The following ASH1L variants were observed in gnomAD, a reference collection of about 807,000 sequenced individuals.
The protein encoded by ASH1L is ASH1 like histone lysine methyltransferase.
ASH1L carries 23 observed loss-of-function variants against 269.0 expected under a neutral mutation model. The observed-to-expected ratio is 0.09, with a 90% CI of 0.06 to 0.12. The LOEUF is 0.12. Among genes scored for constraint, ASH1L ranks in the 10% least tolerant of loss-of-function variants. The probability of loss-of-function intolerance (pLI) is 1.00; values close to 1 mark genes in which losing one functional copy is unlikely to be tolerated. For synonymous variants in ASH1L, 1,187 were observed against 1,253.5 expected (o/e 0.95, Z 1.12); for missense variants, 2,912 against 3,567.8 (o/e 0.82, Z 4.68).
At chr1:155,418,459 A>C (rs1000034706) in intron 5 of ASH1L, among the ~76,000 whole-genome samples, 2 of 152,170 alleles carry the variant, frequency 1.3e-5, no homozygotes, top group Non-Finnish European at 2.9e-5. Flanking sequence ...ATAGAGATTA[A>C]AGAAAAGAAT....
intron 1 of ASH1L, among the ~76,000 whole-genome samples, chr1:155,557,199 C>T (rs1671652020): frequency 6.6e-6 from 1 of 151,986 alleles, no homozygotes; most frequent in African/African-American, 2.4e-5. Context: ...TGAAAAAATA[C>T]AACTCTGAAA....
chr1:155,393,205 T>C (rs1658089066), intron 7 of ASH1L, among the ~76,000 whole-genome samples: 1 of 152,184 alleles, frequency 6.6e-6, no homozygotes, highest in Non-Finnish European at 1.5e-5. Context: ...CATGTTGTAG[T>C]TAAATCTGTC....
At chr1:155,522,009 T>C (rs1003916795) in intron 1 of ASH1L, among the ~76,000 whole-genome samples, 2 of 152,198 alleles carry the variant, frequency 1.3e-5, no homozygotes, top group African/African-American at 4.8e-5. Flanking sequence ...TTCCTACAGT[T>C]TTATTGAAGG....
At chr1:155,556,104 T>C (rs917723746) in intron 1 of ASH1L, among the ~76,000 whole-genome samples, 9 of 152,230 alleles carry the variant, frequency 5.9e-5, no homozygotes, top group Non-Finnish European at 1.2e-4. Flanking sequence ...AATAAAAAGC[T>C]GACTGGGCAT....
At chr1:155,438,302 GATA>G in intron 5 of ASH1L, 22 bp downstream of exon 5, 1 of 1,522,802 alleles carries the variant, frequency 6.6e-7, no homozygotes, top group Non-Finnish European at 8.8e-7. Context: ...CCTCTACTCA[GATA>G]ATATGTTAAA....
chr1:155,552,129 A>G (rs957706494), intron 1 of ASH1L, among the ~76,000 whole-genome samples: 2 of 152,172 alleles, frequency 1.3e-5, no homozygotes, highest in Non-Finnish European at 2.9e-5. Flanking sequence ...CCATCACTGT[A>G]TCCCAGTACC....
chr1:155,420,205 G>C (rs1472076836), intron 5 of ASH1L, among the ~76,000 whole-genome samples: 1 of 151,206 alleles, frequency 6.6e-6, no homozygotes, highest in Non-Finnish European at 1.5e-5. Context: ...CACACCTGTA[G>C]TCCCAGCTTC....
chr1:155,354,400 G>A (rs1301292255), intron 16 of ASH1L, 73 bp downstream of exon 16: 5 of 1,398,132 alleles, frequency 3.6e-6, no homozygotes, highest in Non-Finnish European at 2.9e-6. Flanking sequence ...CCTAGATCAT[G>A]CCATTGCACT....
At chr1:155,406,866 T>C (rs973600059) in intron 6 of ASH1L, among the ~76,000 whole-genome samples, 3 of 151,994 alleles carry the variant, frequency 2.0e-5, no homozygotes, top group Non-Finnish European at 4.4e-5. Flanking sequence ...GCAAATCTAA[T>C]AGATAAAGAA....
intron 15 of ASH1L, among the ~76,000 whole-genome samples, chr1:155,356,930 A>C (rs1413432855): frequency 1.6e-5 from 2 of 123,492 alleles, no homozygotes; most frequent in African/African-American, 7.1e-5. Flanking sequence ...CTCTACAAAA[A>C]ATTTAAAAAA....
chr1:155,384,941 TTC>T (rs1383357849), intron 7 of ASH1L, among the ~76,000 whole-genome samples: 8 of 152,176 alleles, frequency 5.3e-5, no homozygotes, highest in African/African-American at 1.7e-4. Flanking sequence ...TCCTCAGTCT[TTC>T]TGTTTTTAAT....
chr1:155,437,397 A>G (rs1662191307), intron 5 of ASH1L, among the ~76,000 whole-genome samples: 1 of 152,170 alleles, frequency 6.6e-6, no homozygotes, highest in Non-Finnish European at 1.5e-5. Context: ...ACAATGAGAT[A>G]CCCATCTCAT....
chr1:155,482,479 A>G (rs776292381), intron 2 of ASH1L, 30 bp from the exon 3 acceptor site: 1 of 1,578,746 alleles, frequency 6.3e-7, no homozygotes. Flanking sequence ...AAAGTTAAAG[A>G]GGGAGTAAAC....
chr1:155,481,641 C>G lies in ASH1L; in HGVS notation c.1229G>C (p.Ser410Thr). ...VNKDIGKKLM[S>T]CPLAGLISKD... The stretch of plus-strand genomic sequence containing the variant: ...ACTGATCAGACCTGCCAAAGGACAA[C>G]TCATTAGTTTCTTTCCAATGTCCTT... The change falls in exon 3 of 28, where the codon AGT (serine) becomes ACT (threonine). Residue 410 changes from serine (S) to threonine (T), a missense_variant. Around this residue, in one of 13 missense-constraint regions of ASH1L, gnomAD observed 715 missense variants for 721.0 expected, o/e 0.99. Coordinates refer to ENST00000392403, the MANE Select transcript of ASH1L (RefSeq NM_018489.3). The G allele has an allele frequency of 6.2e-7, 1 of 1,614,104 alleles. No homozygotes were observed. The highest frequency in any genetic ancestry group is 1.7e-5 in the Admixed American group (1 of 60,026).
chr1:155,372,487 G>A (rs970158828), intron 10 of ASH1L, among the ~76,000 whole-genome samples: 1 of 145,994 alleles, frequency 6.8e-6, no homozygotes, highest in Admixed American at 6.9e-5. Flanking sequence ...TTTCGTATTT[G>A]TAGTAGAGAC....
chr1:155,553,371 T>A (rs761201545), intron 1 of ASH1L, among the ~76,000 whole-genome samples: 1 of 152,204 alleles, frequency 6.6e-6, no homozygotes, highest in Non-Finnish European at 1.5e-5. Context: ...ATAACAATAG[T>A]TTTTTGTCTA....
Position 155,511,481 on chromosome 1 carries a change from G to A in ASH1L, c.420+9619C>T, listed in dbSNP as rs932268809. ...AACAAGGTATTACAATTAAGAGTAG[G>A]ACACAAACAAATCAAGATTCTTTCA... On this transcript the variant is annotated intron_variant, in intron 2 of 27. Coordinates refer to ENST00000392403, the MANE Select transcript of ASH1L (RefSeq NM_018489.3). Among the ~76,000 whole-genome samples the A allele has an allele frequency of 2.0e-5, 3 of 152,208 alleles. No homozygotes were observed. In the South Asian group the frequency reaches 6.2e-4, roughly 32 times the overall value.
Position 155,562,507 on chromosome 1 carries a change from T to A in ASH1L, c.-454A>T. ...CCAGAGGGAGGGAGCGAAGGGCGCC[T>A]AGCGCCCCCCTCAACCTTCCACTCC... On this transcript the variant is annotated 5_prime_UTR_variant, in exon 1 of 28. Transcript: ENST00000392403. The A allele has an allele frequency of 6.7e-7, 1 of 1,496,168 alleles. No individual in the cohort carries two copies. 92.7% of individuals were successfully genotyped at this position (1,496,168 alleles called of 1,614,324 possible). A position where few individuals can be genotyped will look rare whatever the true frequency, so the allele number is the denominator to read the frequency against.
At chr1:155,464,003 G>A (rs1056112730) in intron 3 of ASH1L, among the ~76,000 whole-genome samples, 2 of 152,070 alleles carry the variant, frequency 1.3e-5, no homozygotes, top group Non-Finnish European at 2.9e-5. Context: ...CTGACTCTTC[G>A]CCATAGCTTT....
Sources: gnomAD v4.1 joint callset for allele counts (sites outside exome capture counted in the v4.1 genomes callset) on GRCh38, gnomAD v4.1.1 for gene constraint, gnomAD v4.1.1 regional missense constraint, MANE v1.5 for transcripts, NCBI Gene and HGNC (gene_info 2026-07-23, HGNC 2026-07-21) for gene names.